Variants in GLDN observed in about 807,000 individuals in gnomAD.
GLDN encodes the protein collomin.
GLDN carries 47 observed loss-of-function variants against 56.5 expected under a neutral mutation model. The observed-to-expected ratio is 0.83, with a 90% CI of 0.66 to 1.06. GLDN has a LOEUF of 1.06. GLDN is among the 50% of genes least tolerant of loss of function. The probability of loss-of-function intolerance (pLI) is 0.00; values close to 1 mark genes in which losing one functional copy is unlikely to be tolerated. For synonymous variants in GLDN, 332 were observed against 278.8 expected, an observed-to-expected ratio of 1.19 and a Z score of -1.90; for missense variants, 782 against 714.3, an observed-to-expected ratio of 1.09 and a Z score of -1.08.
downstream of GLDN, among the ~76,000 whole-genome samples, chr15:51,411,541 A>G (rs1430719561): frequency 6.6e-6 from 1 of 152,256 alleles, no homozygotes; most frequent in Non-Finnish European, 1.5e-5. Flanking sequence ...ACCTGATAAC[A>G]AATATTTTAA....
chr15:51,353,746 TAA>T (rs56751652), intron 1 of GLDN, among the ~76,000 whole-genome samples: 20 of 117,080 alleles, frequency 1.7e-4, no homozygotes, highest in African/African-American at 5.1e-4. Context: ...CACAGTCAAT[TAA>T]AAAAAAAAAA....
intron 6 of GLDN, among the ~76,000 whole-genome samples, chr15:51,399,962 C>T (rs1420434308): frequency 3.3e-5 from 5 of 152,202 alleles, no homozygotes; most frequent in Non-Finnish European, 7.3e-5. Context: ...ATCTTAGCAA[C>T]TGTACTCCTG....
rs1234990741 is a variant in GLDN at position 51,404,563 on chromosome 15, G to C, written c.1465G>C (p.Asp489His). ...AATCCTCTATGTCACAGACACCAAA[G>C]ATATGAGGGTCACATTTGCCTTTGA... ...RGILYVTDTK[D>H]MRVTFAFDLL... is the part of the protein sequence containing the mutation. Residue 489 changes from aspartate to histidine, a missense_variant, in exon 10 of 10, where the codon GAT (aspartate) becomes CAT (histidine). By Grantham distance (81) the Asp-to-His change is moderately conservative (BLOSUM62 -1). Transcript: ENST00000335449. The C allele has an allele frequency of 2.5e-6, 4 of 1,614,052 alleles. No homozygotes were observed. In the Admixed American group the frequency reaches 5.0e-5, roughly 20 times the overall value.
intron 6 of GLDN, 146 bp downstream of exon 6, chr15:51,397,744 C>A: frequency 2.8e-6 from 3 of 1,084,790 alleles, no homozygotes; most frequent in East Asian, 3.1e-5. Context: ...GCAAACTTCT[C>A]ACAGGAGTTC....
intron 1 of GLDN, among the ~76,000 whole-genome samples, chr15:51,355,813 A>ATGTG (rs2037170456): frequency 6.7e-6 from 1 of 149,458 alleles, no homozygotes; most frequent in Non-Finnish European, 1.5e-5. Context: ...GTGAGCCACC[A>ATGTG]CACCCGGCCC....
chr15:51,404,659 G>A lies in GLDN; in HGVS notation c.1561G>A (p.Ala521Thr), dbSNP rs75780940. 5.6e-3 allele frequency: 9,052 copies of A among 1,611,676 alleles called. 430 individuals are homozygous for A. In the East Asian group the frequency reaches 0.11, roughly 20 times the overall value. Reference sequence around the variant, plus strand: ...TTCCCAGTCTGTTCTTGCCATGTTAGCATACAACATGAGAGATCAGCATTT... The same window carrying A: ...TTCCCAGTCTGTTCTTGCCATGTTAACATACAACATGAGAGATCAGCATTT... ...RTSQSVLAML[A>T]YNMRDQHLYS... The change falls in exon 10 of 10, where the codon GCA becomes ACA. Residue 521 changes from alanine (A) to threonine (T), a missense_variant. Transcript: ENST00000335449.
chr15:51,394,026 C>T (rs2038073425), intron 4 of GLDN, among the ~76,000 whole-genome samples: 1 of 152,218 alleles, frequency 6.6e-6, no homozygotes, highest in Non-Finnish European at 1.5e-5. Flanking sequence ...ATCAGAGGTG[C>T]TTTGCTCTCT....
At chr15:51,354,585 C>T (rs2037138891) in intron 1 of GLDN, among the ~76,000 whole-genome samples, 1 of 152,140 alleles carries the variant, frequency 6.6e-6, no homozygotes, top group South Asian at 2.1e-4. Flanking sequence ...ATTCCAAGTA[C>T]AGGCAATAAT....
intron 1 of GLDN, among the ~76,000 whole-genome samples, chr15:51,373,937 T>C (rs1187268599): frequency 6.6e-6 from 1 of 152,250 alleles, no homozygotes; most frequent in African/African-American, 2.4e-5. Context: ...CTTATTTTGA[T>C]TCCAATTTTT....
downstream of GLDN, among the ~76,000 whole-genome samples, chr15:51,410,407 C>A (rs375708680): frequency 6.6e-6 from 1 of 152,202 alleles, no homozygotes; most frequent in Non-Finnish European, 1.5e-5. Context: ...AGCGCCTCAT[C>A]ATCCAATGAC....
intron 1 of GLDN, among the ~76,000 whole-genome samples, chr15:51,344,304 G>A (rs2036939238): frequency 6.6e-6 from 1 of 152,014 alleles, no homozygotes; most frequent in Admixed American, 6.6e-5. Context: ...GATAGTAGCT[G>A]TGTTAGGCAT....
At chr15:51,383,735 ATTTTT>A in intron 3 of GLDN, 45 bp from the exon 4 acceptor site, 7 of 1,156,570 alleles carry the variant, frequency 6.1e-6, no homozygotes, top group Non-Finnish European at 8.5e-6. Context: ...TCAGTGAATA[ATTTTT>A]TTTTTTTTTT....
chr15:51,353,712 ATT>A (rs779813696), intron 1 of GLDN, among the ~76,000 whole-genome samples: 29 of 120,894 alleles, frequency 2.4e-4, no homozygotes, highest in African/African-American at 7.8e-4. Flanking sequence ...CTCGGATTTG[ATT>A]AAAAAAAAAA....
intron 1 of GLDN, among the ~76,000 whole-genome samples, chr15:51,374,306 G>A (rs1249320802): frequency 1.3e-5 from 2 of 152,126 alleles, no homozygotes; most frequent in Admixed American, 6.5e-5. Flanking sequence ...GTCTTTTCTG[G>A]TCCTCTCAAT....
At chr15:51,388,467 T>C (rs757173063) in intron 4 of GLDN, among the ~76,000 whole-genome samples, 1 of 152,150 alleles carries the variant, frequency 6.6e-6, no homozygotes, top group Non-Finnish European at 1.5e-5. Flanking sequence ...GAAATATCCC[T>C]TCCTGAAATT....
chr15:51,394,553 C>A (rs948549063), intron 4 of GLDN, among the ~76,000 whole-genome samples: 2 of 152,112 alleles, frequency 1.3e-5, no homozygotes, highest in Admixed American at 1.3e-4. Context: ...GCAGAGGTTG[C>A]AGTGAGCCGA....
At chr15:51,361,398 A>G (rs1395117656) in intron 1 of GLDN, among the ~76,000 whole-genome samples, 1 of 152,206 alleles carries the variant, frequency 6.6e-6, no homozygotes, top group African/African-American at 2.4e-5. Flanking sequence ...AATAGTGCAT[A>G]TATAAATTTG....
chr15:51,399,141 G>A (rs564329711), intron 6 of GLDN, among the ~76,000 whole-genome samples: 1 of 152,236 alleles, frequency 6.6e-6, no homozygotes, highest in African/African-American at 2.4e-5. Flanking sequence ...AAACTCCGGG[G>A]GCAGCAGGGT....
At chr15:51,411,513 A>C (rs1187947608), downstream of GLDN, among the ~76,000 whole-genome samples, 1 of 152,222 alleles carries the variant, frequency 6.6e-6, no homozygotes, top group East Asian at 1.9e-4. Flanking sequence ...GTTTGTTGGC[A>C]AACTTTTTCT....
Sources: allele counts gnomAD v4.1 joint callset (sites outside exome capture counted in the v4.1 genomes callset), GRCh38; gene constraint gnomAD v4.1.1; transcripts MANE v1.5; gene names NCBI Gene and HGNC (gene_info 2026-07-23, HGNC 2026-07-21).